The following OPCML variants were observed in gnomAD, a reference collection of about 807,000 sequenced individuals.
OPCML encodes the protein opioid binding protein/cell adhesion molecule like.
A neutral mutation model predicts 37.8 loss-of-function variants in OPCML; 13 were observed. The observed-to-expected ratio is 0.34, with a 90% CI of 0.22 to 0.55. The LOEUF (loss-of-function observed/expected upper bound fraction) is 0.55, where lower values mean the gene tolerates loss of function less well. Ranked by LOEUF, OPCML falls within the 20% of genes least tolerant of loss-of-function variation. The pLI is 0.91. For missense variants in OPCML, 341 were observed against 435.6 expected, an observed-to-expected ratio of 0.78 and a Z score of 1.93; for synonymous variants, 176 against 168.8, an observed-to-expected ratio of 1.04 and a Z score of -0.33.
intron 1 of OPCML, among the ~76,000 whole-genome samples, chr11:133,329,901 A>C (rs1176979794): frequency 6.6e-6 from 1 of 152,216 alleles, no homozygotes; most frequent in Non-Finnish European, 1.5e-5. Flanking sequence ...GTGAACAGGC[A>C]ACCTACAGAA....
intron 1 of OPCML, among the ~76,000 whole-genome samples, chr11:133,140,826 CGACGACGAAGAA>C (rs1175181223): frequency 1.2e-4 from 3 of 24,648 alleles, no homozygotes; most frequent in African/African-American, 2.2e-4. Context: ...AAGAAGAAGA[CGACGACGAAGAA>C]GACGACGACG....
intron 1 of OPCML, among the ~76,000 whole-genome samples, chr11:133,040,403 T>C (rs1178707059): frequency 1.3e-5 from 2 of 152,204 alleles, no homozygotes; most frequent in African/African-American, 4.8e-5. Context: ...TGCTTTTAGT[T>C]AAAGGAATCC....
intron 2 of OPCML, among the ~76,000 whole-genome samples, chr11:132,937,924 G>T (rs995419698): frequency 6.6e-6 from 1 of 151,822 alleles, no homozygotes; most frequent in African/African-American, 2.4e-5. Context: ...CAGGGATAGT[G>T]AAGACTTTGC....
At chr11:132,770,984 T>G (rs1229516354) in intron 2 of OPCML, among the ~76,000 whole-genome samples, 2 of 152,170 alleles carry the variant, frequency 1.3e-5, no homozygotes, top group Non-Finnish European at 2.9e-5. Flanking sequence ...CAGCCCTCAC[T>G]GTAGCTGGCT....
intron 1 of OPCML, among the ~76,000 whole-genome samples, chr11:133,236,902 C>T (rs546710856): frequency 2.2e-4 from 33 of 147,406 alleles, no homozygotes; most frequent in Admixed American, 7.1e-4. Flanking sequence ...AGGGAGGATG[C>T]GTCAGGTTAT....
intron 1 of OPCML, among the ~76,000 whole-genome samples, chr11:133,296,357 C>T (rs368596775): frequency 3.5e-4 from 54 of 152,134 alleles, no homozygotes; most frequent in African/African-American, 1.2e-3. Context: ...TCATTGTCAG[C>T]CCATGATTTG....
chr11:133,051,058 T>TAC (rs113538759), intron 1 of OPCML, among the ~76,000 whole-genome samples: 61,511 of 147,778 alleles, frequency 0.42, 12,714 homozygotes, highest in South Asian at 0.53. Context: ...TGTGTGTACA[T>TAC]ACACACACAC....
Position 132,757,769 on chromosome 11 carries a change from T to C in OPCML, c.147-100450A>G, listed in dbSNP as rs546706120. On this transcript the variant is annotated intron_variant, in intron 2 of 7. Coordinates refer to ENST00000524381, the MANE Select transcript of OPCML (RefSeq NM_001012393.5). ...GGTTGCCTGTTCACTCTGATGACAG[T>C]TTCTTTTGCTGTGCAGAAACTCTTT... is the stretch of plus-strand genomic sequence containing the variant. Among the ~76,000 whole-genome samples, 406 of 152,350 alleles carry C rather than the reference T, an allele frequency of 2.7e-3. 4 individuals carry two copies. The highest frequency in any genetic ancestry group is 0.024 in the South Asian group (115 of 4,828).
chr11:133,248,631 G>A (rs1383488322), intron 1 of OPCML, among the ~76,000 whole-genome samples: 1 of 152,212 alleles, frequency 6.6e-6, no homozygotes, highest in Non-Finnish European at 1.5e-5. Flanking sequence ...GTTCTGCAGG[G>A]CACTTGTGGA....
At chr11:132,771,943 G>A (rs961943304) in intron 2 of OPCML, 1 of 152,246 alleles carries the variant, frequency 6.6e-6, no homozygotes, top group Admixed American at 6.5e-5. Flanking sequence ...AGTCGGGCAG[G>A]ATGTTAGAGC....
intron 1 of OPCML, among the ~76,000 whole-genome samples, chr11:133,367,121 G>A (rs183476298): frequency 6.6e-6 from 1 of 152,278 alleles, no homozygotes; most frequent in East Asian, 1.9e-4. Flanking sequence ...TAGGATTACA[G>A]GCATGTACCA....
At chr11:133,041,372 A>G (rs1947893797) in intron 1 of OPCML, among the ~76,000 whole-genome samples, 1 of 152,182 alleles carries the variant, frequency 6.6e-6, no homozygotes, top group Non-Finnish European at 1.5e-5. Flanking sequence ...AACAGCAGTG[A>G]CACCTTATGG....
At chr11:133,140,586 A>AGAAG in intron 1 of OPCML, among the ~76,000 whole-genome samples, 6 of 140,690 alleles carry the variant, frequency 4.3e-5, no homozygotes, top group African/African-American at 1.0e-4. Context: ...GAAAGAAGAA[A>AGAAG]AAAGAAAGAA....
At chr11:132,638,898 G>A (rs557336777) in intron 3 of OPCML, among the ~76,000 whole-genome samples, 55 of 152,218 alleles carry the variant, frequency 3.6e-4, no homozygotes, top group African/African-American at 1.0e-3. Context: ...GGCCAGCCTC[G>A]CGTCAATTAA....
At chr11:132,508,859 A>G (rs2096262964) in intron 4 of OPCML, among the ~76,000 whole-genome samples, 1 of 152,160 alleles carries the variant, frequency 6.6e-6, no homozygotes, top group African/African-American at 2.4e-5. Context: ...GGACTAATAC[A>G]GTAAATTGGT....
At chr11:132,784,730 G>A (rs1947150673) in intron 2 of OPCML, among the ~76,000 whole-genome samples, 1 of 152,028 alleles carries the variant, frequency 6.6e-6, no homozygotes, top group Non-Finnish European at 1.5e-5. Flanking sequence ...TGCTCTATTA[G>A]ACCTCACATG....
intron 1 of OPCML, among the ~76,000 whole-genome samples, chr11:133,382,075 T>C (rs1029333808): frequency 1.3e-5 from 2 of 152,222 alleles, no homozygotes; most frequent in African/African-American, 4.8e-5. Flanking sequence ...ATGCCTTTTC[T>C]CCATTTGCCT....
chr11:133,082,088 C>T (rs1948729276), intron 1 of OPCML, among the ~76,000 whole-genome samples: 1 of 151,840 alleles, frequency 6.6e-6, no homozygotes, highest in Admixed American at 6.6e-5. Flanking sequence ...CTGAGACGGC[C>T]GGGGGTGACC....
intron 4 of OPCML, among the ~76,000 whole-genome samples, chr11:132,477,094 C>T (rs962854643): frequency 6.6e-6 from 1 of 152,176 alleles, no homozygotes; most frequent in African/African-American, 2.4e-5. Flanking sequence ...CATGTTCACC[C>T]TGTGGTTCCC....
Sources: allele counts gnomAD v4.1 joint callset (sites outside exome capture counted in the v4.1 genomes callset), GRCh38; gene constraint gnomAD v4.1.1; transcripts MANE v1.5; gene names NCBI Gene and HGNC (gene_info 2026-07-23, HGNC 2026-07-21).